VRK1: variants seen among roughly 807,000 people sequenced by gnomAD.
VRK1 encodes the protein serine/threonine-protein kinase VRK1.
A neutral mutation model predicts 57.1 loss-of-function variants in VRK1; 33 were observed. That is an observed-to-expected ratio of 0.58 (90% CI 0.44 to 0.77). VRK1 has a LOEUF of 0.77. Ranked by LOEUF, VRK1 falls within the 30% of genes least tolerant of loss-of-function variation. The pLI is 0.00. For missense variants in VRK1, 413 were observed against 477.3 expected (o/e 0.87, Z 1.25); for synonymous variants, 137 against 147.8 (o/e 0.93, Z 0.53).
intron 11 of VRK1, among the ~76,000 whole-genome samples, chr14:96,867,621 C>G (rs1888637269): frequency 6.6e-6 from 1 of 152,062 alleles, no homozygotes; most frequent in Non-Finnish European, 1.5e-5. Context: ...GCTTTCCTTT[C>G]CTTTCCTTCT....
Position 96,852,792 on chromosome 14 carries a change from A to G in VRK1, c.375-39A>G, listed in dbSNP as rs370891173. The G allele has an allele frequency of 3.3e-5, 51 of 1,550,092 alleles. No homozygotes were observed. In the African/African-American group the frequency reaches 4.6e-4, roughly 14 times the overall value. Reference sequence around the variant, plus strand: ...CTCATTACAAAGTTGGTTTTCTTGCATTGTATTTTGTTCATTGGCTTTTCA... The same window carrying G: ...CTCATTACAAAGTTGGTTTTCTTGCGTTGTATTTTGTTCATTGGCTTTTCA... On this transcript the variant is annotated intron_variant, in intron 5 of 12. Coordinates refer to ENST00000216639, the MANE Select transcript of VRK1 (RefSeq NM_003384.3).
intron 1 of VRK1, among the ~76,000 whole-genome samples, chr14:96,827,968 C>T (rs1886864041): frequency 6.6e-6 from 1 of 152,174 alleles, no homozygotes; most frequent in African/African-American, 2.4e-5. Flanking sequence ...AGGAACCATC[C>T]ACCTCCAGCC....
chr14:96,808,256 A>G (rs1287389842), intron 1 of VRK1, among the ~76,000 whole-genome samples: 3 of 152,034 alleles, frequency 2.0e-5, no homozygotes, highest in Non-Finnish European at 2.9e-5. Flanking sequence ...TGAATAGGAC[A>G]TGGTCCCTGC....
chr14:96,802,147 A>G (rs1374236396), intron 1 of VRK1, among the ~76,000 whole-genome samples: 1 of 152,218 alleles, frequency 6.6e-6, no homozygotes, highest in Non-Finnish European at 1.5e-5. Flanking sequence ...TTTATCTTTC[A>G]TATGTTGCTG....
At chr14:96,879,978 A>C (rs186955463) in intron 12 of VRK1, among the ~76,000 whole-genome samples, 64 of 152,078 alleles carry the variant, frequency 4.2e-4, no homozygotes, top group African/African-American at 1.5e-3. Flanking sequence ...TAAAAACCTA[A>C]AAATCTACTG....
At chr14:96,837,080 G>T (rs1217111342) in intron 2 of VRK1, among the ~76,000 whole-genome samples, 1 of 152,150 alleles carries the variant, frequency 6.6e-6, no homozygotes, top group Non-Finnish European at 1.5e-5. Context: ...CTTTGTAAGA[G>T]TAAGGATTTT....
chr14:96,876,143 G>C (rs758313613), intron 12 of VRK1, 23 bp downstream of exon 12: 1 of 1,611,424 alleles, frequency 6.2e-7, no homozygotes, highest in Non-Finnish European at 8.5e-7. Flanking sequence ...GTTTTGCCTA[G>C]CTGCTTTCAT....
intron 1 of VRK1, among the ~76,000 whole-genome samples, chr14:96,820,495 G>A (rs150924806): frequency 1.2e-4 from 19 of 152,250 alleles, no homozygotes; most frequent in Admixed American, 6.5e-5. Context: ...CTGTATGTTC[G>A]TTAGCAGTTC....
rs902439355 is a variant in VRK1 at position 96,833,479 on chromosome 14, G to T, written c.8G>T (p.Arg3Leu). The change falls in exon 2 of 13, where the codon CGT becomes CTT. Residue 3 changes from arginine (R) to leucine (L), a missense_variant. Physicochemically the swap from Arg to Leu is moderately radical, Grantham distance 102. Around this residue, in one of 3 missense-constraint regions of VRK1, gnomAD observed 116 missense variants for 113.6 expected, o/e 1.02. Transcript: ENST00000216639. MPRVKAAQAGRQS... is the reference protein window; with the variant it reads MPLVKAAQAGRQS... ...TTTTATGTTATAGTGAAAATGCCTC[G>T]TGTAAAAGCAGCTCAAGCTGGAAGA... 4.2e-5 allele frequency: 67 copies of T among 1,613,326 alleles called. No homozygotes were observed. The highest frequency in any genetic ancestry group is 5.7e-5 in the Non-Finnish European group (67 of 1,179,638).
chr14:96,816,392 C>T (rs1886395883), intron 1 of VRK1, among the ~76,000 whole-genome samples: 1 of 152,152 alleles, frequency 6.6e-6, no homozygotes, highest in South Asian at 2.1e-4. Context: ...TCTCATCTCC[C>T]CTCCCTTAGG....
At chr14:96,872,499 T>C (rs888724242) in intron 11 of VRK1, among the ~76,000 whole-genome samples, 2 of 152,178 alleles carry the variant, frequency 1.3e-5, no homozygotes, top group Non-Finnish European at 2.9e-5. Flanking sequence ...CACAAATGTG[T>C]GTACTATAAT....
At chr14:96,864,933 A>T (rs76096964) in intron 11 of VRK1, among the ~76,000 whole-genome samples, 2 of 151,576 alleles carry the variant, frequency 1.3e-5, no homozygotes, top group Middle Eastern at 3.4e-3. Context: ...AAAAAAAAAA[A>T]TTGGGGTCGT....
intron 12 of VRK1, among the ~76,000 whole-genome samples, chr14:96,880,458 TC>T (rs1889217094): frequency 6.6e-6 from 1 of 152,204 alleles, no homozygotes; most frequent in African/African-American, 2.4e-5. Context: ...GCAGCCGTGA[TC>T]AGGCTAACTG....
Position 96,881,472 on chromosome 14 carries a change from T to C in VRK1, c.*264T>C. The C allele has an allele frequency of 2.8e-6, 1 of 353,192 alleles. No homozygotes were observed. Among genetic ancestry groups the C allele is most frequent in the Non-Finnish European group, 5.1e-6 (1 of 196,740 alleles). The allele number at this position is 353,192 out of a possible 1,614,324, so 21.9% of individuals were successfully genotyped here. A position where few individuals can be genotyped will look rare whatever the true frequency, so the allele number is the denominator to read the frequency against. On this transcript the variant is annotated 3_prime_UTR_variant, in exon 13 of 13. Transcript: ENST00000216639. Reference sequence around the variant, plus strand: ...TGTTTGTGATGTTTTGGAGTACATATATATGAAAATTATTATGACACGCAC... The same window carrying C: ...TGTTTGTGATGTTTTGGAGTACATACATATGAAAATTATTATGACACGCAC...
intron 11 of VRK1, among the ~76,000 whole-genome samples, chr14:96,868,039 T>A (rs1000943034): frequency 2.6e-4 from 40 of 152,362 alleles, no homozygotes; most frequent in Non-Finnish European, 4.7e-4. Context: ...TGACTTATTT[T>A]AATAGTGTAT....
intron 11 of VRK1, among the ~76,000 whole-genome samples, chr14:96,868,044 G>T (rs542804610): frequency 6.6e-6 from 1 of 152,000 alleles, no homozygotes; most frequent in Non-Finnish European, 1.5e-5. Flanking sequence ...TATTTTAATA[G>T]TGTATACCTC....
intron 1 of VRK1, among the ~76,000 whole-genome samples, chr14:96,809,351 C>G (rs1346964235): frequency 1.3e-5 from 2 of 152,148 alleles, no homozygotes; most frequent in Non-Finnish European, 2.9e-5. Flanking sequence ...TAAAAACTAC[C>G]ACAAATTACA....
intron 11 of VRK1, among the ~76,000 whole-genome samples, chr14:96,862,379 T>C (rs1220936544): frequency 6.6e-6 from 1 of 152,236 alleles, no homozygotes; most frequent in Non-Finnish European, 1.5e-5. Flanking sequence ...ATTAGTTTAC[T>C]ACTTTTTGTA....
chr14:96,855,002 T>G (rs991914027), intron 7 of VRK1, among the ~76,000 whole-genome samples: 4 of 152,222 alleles, frequency 2.6e-5, no homozygotes, highest in African/African-American at 9.6e-5. Flanking sequence ...GTGATTACAC[T>G]GTAGCTATGT....
Sources: allele counts gnomAD v4.1 joint callset (sites outside exome capture counted in the v4.1 genomes callset), GRCh38; gene constraint gnomAD v4.1.1; regional missense constraint gnomAD v4.1.1; transcripts MANE v1.5; gene names NCBI Gene and HGNC (gene_info 2026-07-23, HGNC 2026-07-21).